Variants in MAP3K4 observed in about 807,000 individuals in gnomAD.
MAP3K4 encodes the protein MAP three kinase 1.
A neutral mutation model predicts 185.6 loss-of-function variants in MAP3K4; 67 were observed. The observed-to-expected ratio is 0.36, with a 90% CI of 0.30 to 0.44. The LOEUF (loss-of-function observed/expected upper bound fraction) is 0.44. Ranked by LOEUF, MAP3K4 falls within the 20% of genes least tolerant of loss-of-function variation. The pLI is 1.00. For missense variants in MAP3K4, 1,551 were observed against 1,995.1 expected (o/e 0.78, Z 4.24); for synonymous variants, 702 against 710.4 (o/e 0.99, Z 0.19).
chr6:160,998,249 C>T (rs890648200), intron 1 of MAP3K4, among the ~76,000 whole-genome samples: 3 of 152,114 alleles, frequency 2.0e-5, no homozygotes, highest in African/African-American at 7.2e-5. Context: ...TGTGCTTAAA[C>T]TATTAATTTG....
intron 3 of MAP3K4, 25 bp downstream of exon 3, chr6:161,050,004 C>T (rs1405653790): frequency 1.9e-6 from 3 of 1,552,996 alleles, no homozygotes; most frequent in Admixed American, 4.0e-5. Flanking sequence ...GGTATTAATA[C>T]AATGATATCC....
rs559029452 is a variant in MAP3K4, at chr6:161,115,025, A to G, written c.4627-98A>G. Reference sequence around the variant, plus strand: ...CAGTAAAAATTTGCTGTCCCCTGATATATATTAATGATGAGATGCTTAAAA... The same window carrying G: ...CAGTAAAAATTTGCTGTCCCCTGATGTATATTAATGATGAGATGCTTAAAA... On this transcript the variant is annotated intron_variant, in intron 25 of 26. Coordinates refer to ENST00000392142, the MANE Select transcript of MAP3K4 (RefSeq NM_005922.4). This position sits in a 1 kb window ranked among gnomAD's most constrained non-coding sequence, Gnocchi z 6.0. 12 of 1,095,514 alleles carry G rather than the reference A, an allele frequency of 1.1e-5. No individual in the cohort carries two copies. The South Asian group carries it at 1.4e-4, about 13-fold the overall frequency. 67.9% of individuals were successfully genotyped at this position (1,095,514 alleles called of 1,614,324 possible). A position where few individuals can be genotyped will look rare whatever the true frequency, so the allele number is the denominator to read the frequency against.
In MAP3K4 at chr6:161,087,575, C is replaced by T; in HGVS notation, c.2557-113C>T. On this transcript the variant is annotated intron_variant, in intron 9 of 26. Coordinates refer to ENST00000392142, the MANE Select transcript of MAP3K4 (RefSeq NM_005922.4). This position sits in a 1 kb window ranked among gnomAD's most constrained non-coding sequence, Gnocchi z 4.9. ...AGTTCCCTCACTGCTCCAATTCATG[C>T]CCTTCCCACTTTCCCTTTCCCAAAC... 2 of 1,060,744 alleles carry T rather than the reference C, an allele frequency of 1.9e-6. No individual in the cohort carries two copies. The highest frequency in any genetic ancestry group is 1.9e-5 in the Admixed American group (1 of 51,758). The allele number at this position is 1,060,744 out of a possible 1,614,324, so 65.7% of individuals were successfully genotyped here.
chr6:160,991,956 G>C lies in MAP3K4; in HGVS notation c.25G>C (p.Val9Leu). The change falls in exon 1 of 27, where the codon GTC becomes CTC. Residue 9 changes from valine (V) to leucine (L), a missense_variant. This residue lies in a region of MAP3K4 where 287 missense variants were observed against 268.8 expected (regional missense o/e 1.07). Transcript: ENST00000392142. The surrounding 1 kb of genome is among the most constrained non-coding windows in gnomAD (Gnocchi z 5.7). ...GATGAGAGAAGCCGCTGCCGCGCTG[G>C]TCCCTCCTCCCGCCTTTGCCGTCAC... is the stretch of plus-strand genomic sequence containing the variant. MREAAAALVPPPAFAVTPA... is the reference protein window; with the variant it reads MREAAAALLPPPAFAVTPA... The C allele has an allele frequency of 6.5e-7, 1 of 1,545,138 alleles. No homozygotes were observed.
intron 1 of MAP3K4, among the ~76,000 whole-genome samples, chr6:161,005,139 CTT>C (rs1178412146): frequency 3.8e-4 from 54 of 140,710 alleles, no homozygotes; most frequent in Admixed American, 3.6e-4. Flanking sequence ...AGTATATAAA[CTT>C]TTTTTTTTTT....
In MAP3K4 at chr6:161,098,675, G is replaced by A. The variant is rs550798978; in HGVS notation, c.3674+248G>A. 3.0e-4 allele frequency among the ~76,000 whole-genome samples: 45 copies of A among 152,290 alleles called. No homozygotes were observed. The highest frequency in any genetic ancestry group is 6.2e-4 in the Non-Finnish European group (42 of 68,028). ...TAGCCAAAATGACTAAAGACTTTGC[G>A]AAGAATAACTTGATGGAGTATCATA... On this transcript the variant is annotated intron_variant, in intron 17 of 26. Coordinates refer to ENST00000392142, the MANE Select transcript of MAP3K4 (RefSeq NM_005922.4). This position sits in a 1 kb window ranked among gnomAD's most constrained non-coding sequence, Gnocchi z 4.4.
In MAP3K4 at chr6:161,106,513, G is replaced by A. The variant is rs776627186; in HGVS notation, c.3857-1G>A. On this transcript the variant is annotated splice_acceptor_variant, in intron 19 of 26. Transcript: ENST00000392142. LOFTEE classifies it high-confidence loss of function. This position sits in a 1 kb window ranked among gnomAD's most constrained non-coding sequence, Gnocchi z 4.9. ...TAATGAGGTTTTGGTTCTCTCTGCAGATACTGCTTCTAAACTAGGACCCAT... is the reference window on the plus strand; with the variant it reads ...TAATGAGGTTTTGGTTCTCTCTGCAAATACTGCTTCTAAACTAGGACCCAT... The A allele has an allele frequency of 6.2e-7, 1 of 1,604,468 alleles. No homozygotes were observed.
Position 161,054,697 on chromosome 6 carries a change from A to G in MAP3K4, c.1707+4718A>G, listed in dbSNP as rs1784159685. ...AATTGAAACAAATGGATTAGTTTCC[A>G]GAGTCCACTTGAATAGGCAGTTGTT... On this transcript the variant is annotated intron_variant, in intron 3 of 26. Coordinates refer to ENST00000392142, the MANE Select transcript of MAP3K4 (RefSeq NM_005922.4). The surrounding 1 kb of genome is among the most constrained non-coding windows in gnomAD (Gnocchi z 4.2). Among the ~76,000 whole-genome samples the G allele has an allele frequency of 6.6e-6, 1 of 152,240 alleles. No homozygotes were observed. The highest frequency in any genetic ancestry group is 2.4e-5 in the African/African-American group (1 of 41,474).
At chr6:161,072,719 G>A (rs1042950006) in intron 4 of MAP3K4, among the ~76,000 whole-genome samples, 3 of 152,144 alleles carry the variant, frequency 2.0e-5, no homozygotes, top group Admixed American at 6.5e-5. Flanking sequence ...GTATGAAAAC[G>A]AATGTGACTG....
At position 161,093,730 on chromosome 6, in the gene MAP3K4, G is replaced by T; in HGVS notation, c.3349-43G>T. The T allele has an allele frequency of 1.8e-6, 2 of 1,103,430 alleles. No individual in the cohort carries two copies. The highest frequency in any genetic ancestry group is 1.6e-5 in the African/African-American group (1 of 64,176). The allele number at this position is 1,103,430 out of a possible 1,614,324, so 68.4% of individuals were successfully genotyped here. A position where few individuals can be genotyped will look rare whatever the true frequency, so the allele number is the denominator to read the frequency against. ...GCTACTTACATAATTAAGAAAGTATGCATGTTTTCTCTTTACCTTTCCCAT... is the reference window on the plus strand; with the variant it reads ...GCTACTTACATAATTAAGAAAGTATTCATGTTTTCTCTTTACCTTTCCCAT... On this transcript the variant is annotated intron_variant, in intron 14 of 26. Transcript: ENST00000392142. This position sits in a 1 kb window ranked among gnomAD's most constrained non-coding sequence, Gnocchi z 5.2.
In MAP3K4 at chr6:161,056,821, C is replaced by T. The variant is rs563749271; in HGVS notation, c.1707+6842C>T. Among the ~76,000 whole-genome samples the T allele has an allele frequency of 2.6e-5, 4 of 152,238 alleles. No individual in the cohort carries two copies. The highest frequency in any genetic ancestry group is 7.2e-5 in the African/African-American group (3 of 41,530). On this transcript the variant is annotated intron_variant, in intron 3 of 26. Transcript: ENST00000392142. The surrounding 1 kb of genome is among the most constrained non-coding windows in gnomAD (Gnocchi z 5.4). Reference sequence around the variant, plus strand: ...TAATTAGATTCATTTATTTCATCTGCGTTGCATCCTGGGATCCTCCAAAAT... The same window carrying T: ...TAATTAGATTCATTTATTTCATCTGTGTTGCATCCTGGGATCCTCCAAAAT...
At position 161,114,177 on chromosome 6, in the gene MAP3K4, CTA is replaced by C. The variant is rs1411861648; in HGVS notation, c.4627-944_4627-943del. Among the ~76,000 whole-genome samples, 1 of 152,168 alleles carries C rather than the reference CTA, an allele frequency of 6.6e-6. No individual in the cohort carries two copies. The highest frequency in any genetic ancestry group is 1.9e-4 in the East Asian group (1 of 5,198). ...GCTGCTCCGGAGACATTTCCAATCT[CTA>C]TCAAAATTTTAAATGTGCATAGCAC... On this transcript the variant is annotated intron_variant, in intron 25 of 26. Transcript: ENST00000392142. The surrounding 1 kb of genome is among the most constrained non-coding windows in gnomAD (Gnocchi z 4.3).
intron 3 of MAP3K4, among the ~76,000 whole-genome samples, chr6:161,052,206 T>C (rs749217559): frequency 2.8e-5 from 4 of 142,356 alleles, no homozygotes; most frequent in East Asian, 4.7e-4. Flanking sequence ...AGGCTCTTCG[T>C]GGTGATTAAC....
chr6:161,002,678 G>A (rs954767255), intron 1 of MAP3K4, among the ~76,000 whole-genome samples: 37 of 131,696 alleles, frequency 2.8e-4, no homozygotes, highest in East Asian at 2.4e-4. Context: ...TGCAAGCTCC[G>A]CCTCCTGGGT....
intron 5 of MAP3K4, among the ~76,000 whole-genome samples, chr6:161,078,040 A>G (rs902279105): frequency 1.3e-5 from 2 of 152,162 alleles, no homozygotes; most frequent in African/African-American, 4.8e-5. Context: ...GTAGGTTTGC[A>G]TGTTTGGGAC....
chr6:161,031,421 TC>T (rs1218831117), intron 1 of MAP3K4, among the ~76,000 whole-genome samples: 3 of 152,228 alleles, frequency 2.0e-5, no homozygotes, highest in Non-Finnish European at 2.9e-5. Context: ...ATATGTACTT[TC>T]TTAGACCCTC....
Position 161,082,686 on chromosome 6 carries a change from C to G in MAP3K4, c.2255+1648C>G, listed in dbSNP as rs566457844. 7.9e-5 allele frequency among the ~76,000 whole-genome samples: 12 copies of G among 152,284 alleles called. No homozygotes were observed. Among genetic ancestry groups the G allele is most frequent in the African/African-American group, 2.9e-4 (12 of 41,558 alleles). On this transcript the variant is annotated intron_variant, in intron 6 of 26. Transcript: ENST00000392142. This position sits in a 1 kb window ranked among gnomAD's most constrained non-coding sequence, Gnocchi z 4.2. Reference sequence around the variant, plus strand: ...CTCCTTTGTTTCCTGCACACACTACCTCGACTCTTTTTGGGTGCCCTTTGA... The same window carrying G: ...CTCCTTTGTTTCCTGCACACACTACGTCGACTCTTTTTGGGTGCCCTTTGA...
rs746688589 is a variant in MAP3K4 at position 160,996,539 on chromosome 6, G to T, written c.152+4456G>T. ...ATGATTTTACTCATAGCATTCTATT[G>T]TCTCAGCCTTGTCATTTGACCAGGT... is the stretch of plus-strand genomic sequence containing the variant. On this transcript the variant is annotated intron_variant, in intron 1 of 26. Transcript: ENST00000392142. This position sits in a 1 kb window ranked among gnomAD's most constrained non-coding sequence, Gnocchi z 4.5. Among the ~76,000 whole-genome samples, 1 of 152,122 alleles carries T rather than the reference G, an allele frequency of 6.6e-6. No homozygotes were observed. Among genetic ancestry groups the T allele is most frequent in the Non-Finnish European group, 1.5e-5 (1 of 68,034 alleles).
chr6:161,041,692 A>G (rs1783460744), intron 2 of MAP3K4, among the ~76,000 whole-genome samples: 1 of 152,164 alleles, frequency 6.6e-6, no homozygotes, highest in Non-Finnish European at 1.5e-5. Flanking sequence ...TGCCCTGTGC[A>G]GCCACTCCCA....
Sources: gnomAD v4.1 joint callset for allele counts (sites outside exome capture counted in the v4.1 genomes callset) on GRCh38, gnomAD v4.1.1 for gene constraint, gnomAD v4.1.1 regional missense constraint, Gnocchi (gnomAD v3.1) non-coding constraint, MANE v1.5 for transcripts, NCBI Gene and HGNC (gene_info 2026-07-23, HGNC 2026-07-21) for gene names.